PRKG1: variants seen among roughly 807,000 people sequenced by gnomAD.
PRKG1 encodes the protein protein kinase cGMP-dependent 1.
In PRKG1, 35 loss-of-function variants were observed where a neutral mutation model predicts 88.1. The observed-to-expected ratio is 0.40, with a 90% CI of 0.30 to 0.53. The LOEUF (loss-of-function observed/expected upper bound fraction) is 0.53, where lower values mean the gene tolerates loss of function less well. PRKG1 is among the 20% of genes least tolerant of loss of function. PRKG1 has a pLI of 0.59. For missense variants in PRKG1, 540 were observed against 839.8 expected, an observed-to-expected ratio of 0.64 and a Z score of 4.41; for synonymous variants, 303 against 292.5, an observed-to-expected ratio of 1.04 and a Z score of -0.37.
intron 3 of PRKG1, among the ~76,000 whole-genome samples, chr10:51,491,219 A>T (rs1176524073): frequency 6.6e-6 from 1 of 152,076 alleles, no homozygotes. Context: ...TTACACATAG[A>T]TGTTGTATTA....
In PRKG1 at chr10:51,219,467, C is replaced by T. The variant is rs1198274325; in HGVS notation, c.478+66137C>T. ...GCTCACACCTGTAATCCCAGCACTT[C>T]GGGAGGCTGTGGCGGGTGGATCACA... On this transcript the variant is annotated intron_variant, in intron 2 of 17. Coordinates refer to ENST00000373980, the MANE Select transcript of PRKG1 (RefSeq NM_006258.4). 5.9e-5 allele frequency among the ~76,000 whole-genome samples: 9 copies of T among 151,842 alleles called. No homozygotes were observed. The South Asian group carries it at 8.3e-4, about 14-fold the overall frequency.
At chr10:51,865,122 CAG>C (rs914490194) in intron 4 of PRKG1, among the ~76,000 whole-genome samples, 7 of 152,072 alleles carry the variant, frequency 4.6e-5, no homozygotes, top group African/African-American at 1.7e-4. Context: ...TGCTGAATAT[CAG>C]AGAATACTTG....
chr10:51,167,688 G>C (rs760198875), intron 2 of PRKG1, among the ~76,000 whole-genome samples: 1 of 152,150 alleles, frequency 6.6e-6, no homozygotes, highest in African/African-American at 2.4e-5. Context: ...TAATTTGGCA[G>C]TGCATGGATT....
chr10:51,625,976 G>A (rs1048079699), intron 3 of PRKG1, among the ~76,000 whole-genome samples: 9 of 152,076 alleles, frequency 5.9e-5, no homozygotes, highest in Non-Finnish European at 7.3e-5. Flanking sequence ...CTTGAGAACC[G>A]CTTAACACTA....
intron 7 of PRKG1, among the ~76,000 whole-genome samples, chr10:52,120,059 G>T (rs138070713): frequency 6.6e-6 from 1 of 151,968 alleles, no homozygotes; most frequent in Non-Finnish European, 1.5e-5. Flanking sequence ...GAGACAGAGA[G>T]AGAGAGAAAG....
intron 7 of PRKG1, among the ~76,000 whole-genome samples, chr10:52,100,417 A>G (rs993447879): frequency 7.9e-5 from 12 of 152,212 alleles, no homozygotes; most frequent in African/African-American, 2.9e-4. Flanking sequence ...ACATGCTAAA[A>G]TAAATTCAGT....
intron 4 of PRKG1, among the ~76,000 whole-genome samples, chr10:51,821,418 G>A (rs2132728356): frequency 6.6e-6 from 1 of 152,102 alleles, no homozygotes; most frequent in South Asian, 2.1e-4. Flanking sequence ...TTTATAGATA[G>A]TGCTATATAA....
intron 2 of PRKG1, among the ~76,000 whole-genome samples, chr10:51,237,180 C>T (rs868594347): frequency 6.6e-6 from 1 of 152,194 alleles, no homozygotes; most frequent in African/African-American, 2.4e-5. Context: ...CTGTCTTTGC[C>T]TGATGACATT....
chr10:51,572,219 T>G (rs1169715634), intron 3 of PRKG1, among the ~76,000 whole-genome samples: 5 of 152,012 alleles, frequency 3.3e-5, no homozygotes, highest in Admixed American at 3.3e-4. Context: ...TCTGAGCTAT[T>G]TATCAGAAAT....
intron 2 of PRKG1, among the ~76,000 whole-genome samples, chr10:51,244,393 AT>A (rs1554850870): frequency 6.7e-6 from 1 of 148,896 alleles, no homozygotes; most frequent in Non-Finnish European, 1.5e-5. Context: ...TCTCAATATC[AT>A]TTCTGAGGTC....
chr10:51,230,125 T>C (rs1416639569), intron 2 of PRKG1, among the ~76,000 whole-genome samples: 4 of 151,356 alleles, frequency 2.6e-5, no homozygotes, highest in East Asian at 3.9e-4. Context: ...GAAAACTAAC[T>C]AAGTAAATGA....
chr10:51,298,197 T>A (rs933612226), intron 2 of PRKG1, among the ~76,000 whole-genome samples: 5 of 152,148 alleles, frequency 3.3e-5, no homozygotes, highest in African/African-American at 1.2e-4. Context: ...GATGTCCAAA[T>A]TTGCACAGGT....
At chr10:51,990,272 G>T (rs567771097) in intron 5 of PRKG1, among the ~76,000 whole-genome samples, 3 of 152,116 alleles carry the variant, frequency 2.0e-5, no homozygotes, top group Non-Finnish European at 4.4e-5. Context: ...TGTGTTGCCT[G>T]TAGGTATGTT....
intron 4 of PRKG1, among the ~76,000 whole-genome samples, chr10:51,878,309 C>A (rs2132873437): frequency 6.6e-6 from 1 of 151,824 alleles, no homozygotes; most frequent in African/African-American, 2.4e-5. Flanking sequence ...TTTATTATTT[C>A]ACAACTATTT....
chr10:51,171,283 T>C (rs1036508142), intron 2 of PRKG1, among the ~76,000 whole-genome samples: 3 of 152,142 alleles, frequency 2.0e-5, no homozygotes, highest in Non-Finnish European at 4.4e-5. Flanking sequence ...ATCGTGTGCT[T>C]ATTTATTGTA....
chr10:51,398,327 G>A (rs10822915), intron 2 of PRKG1, among the ~76,000 whole-genome samples: 53,233 of 152,024 alleles, frequency 0.35, 9,941 homozygotes, highest in Middle Eastern at 0.45. Context: ...AGTAGAGTTC[G>A]TGTTCCTGTG....
intron 5 of PRKG1, among the ~76,000 whole-genome samples, chr10:52,028,288 A>G (rs1349812663): frequency 6.6e-6 from 1 of 152,104 alleles, no homozygotes. Flanking sequence ...TCCTATCTGC[A>G]CATTCTATTA....
At chr10:52,003,373 C>T (rs1434294742) in intron 5 of PRKG1, among the ~76,000 whole-genome samples, 1 of 149,322 alleles carries the variant, frequency 6.7e-6, no homozygotes, top group East Asian at 1.9e-4. Context: ...CCTCAAATTC[C>T]ATTCTCCTTT....
At chr10:51,870,768 C>G (rs1841136300) in intron 4 of PRKG1, among the ~76,000 whole-genome samples, 1 of 152,154 alleles carries the variant, frequency 6.6e-6, no homozygotes, top group Non-Finnish European at 1.5e-5. Flanking sequence ...ATGCCATAAA[C>G]TTTTGCAACC....
Sources: gnomAD v4.1 joint callset for allele counts (sites outside exome capture counted in the v4.1 genomes callset) on GRCh38, gnomAD v4.1.1 for gene constraint, MANE v1.5 for transcripts, NCBI Gene and HGNC (gene_info 2026-07-23, HGNC 2026-07-21) for gene names.